The following ABR variants were observed in gnomAD, a reference collection of about 807,000 sequenced individuals.
The protein encoded by ABR is ABR activator of RhoGEF and GTPase, also known as active breakpoint cluster region-related protein.
Under a neutral mutation model 107.2 loss-of-function variants are expected in ABR, and 35 were observed. That is an observed-to-expected ratio of 0.33 (90% CI 0.25 to 0.43). The LOEUF (loss-of-function observed/expected upper bound fraction) is 0.43. ABR is among the 20% of genes least tolerant of loss of function. The pLI is 1.00. For missense variants in ABR, 815 were observed against 1,115.2 expected, an observed-to-expected ratio of 0.73 and a Z score of 3.83; for synonymous variants, 498 against 462.0, an observed-to-expected ratio of 1.08 and a Z score of -1.00.
At chr17:1,130,182 C>G (rs1352046478) in intron 1 of ABR, among the ~76,000 whole-genome samples, 1 of 152,112 alleles carries the variant, frequency 6.6e-6, no homozygotes, top group Middle Eastern at 3.2e-3. Flanking sequence ...TTCCATCAAC[C>G]TCGCATCACC....
chr17:1,165,273 C>T (rs563792683), intron 1 of ABR, among the ~76,000 whole-genome samples: 13 of 152,322 alleles, frequency 8.5e-5, no homozygotes, highest in East Asian at 3.9e-4. Flanking sequence ...GCCTGTGACC[C>T]GGAGGAGCCA....
chr17:1,035,237 A>T (rs1474675018), intron 16 of ABR, among the ~76,000 whole-genome samples: 3 of 151,208 alleles, frequency 2.0e-5, no homozygotes, highest in Admixed American at 6.6e-5. Context: ...GCAGCCCACC[A>T]CGGACCCCTC....
intron 1 of ABR, among the ~76,000 whole-genome samples, chr17:1,209,566 C>G (rs1414039403): frequency 6.6e-6 from 1 of 152,126 alleles, no homozygotes; most frequent in Non-Finnish European, 1.5e-5. Context: ...CCAAAGTTTG[C>G]TTGAATGGTG....
intron 2 of ABR, among the ~76,000 whole-genome samples, chr17:1,123,480 C>G (rs1021822888): frequency 6.6e-6 from 1 of 152,170 alleles, no homozygotes; most frequent in African/African-American, 2.4e-5. Context: ...ATCTGTCTCC[C>G]GAGAGAAGGC....
intron 16 of ABR, among the ~76,000 whole-genome samples, chr17:1,018,131 C>T (rs2071315415): frequency 1.3e-5 from 2 of 152,084 alleles, no homozygotes; most frequent in Admixed American, 1.3e-4. Flanking sequence ...CAAGCTCCGC[C>T]TCCCGGGTTC....
chr17:1,199,026 C>T (rs1453440424), intron 1 of ABR, among the ~76,000 whole-genome samples: 2 of 144,900 alleles, frequency 1.4e-5, no homozygotes, highest in Admixed American at 1.4e-4. Context: ...TGCACTCCAG[C>T]CTGGGCAACA....
intron 1 of ABR, among the ~76,000 whole-genome samples, chr17:1,127,107 G>A (rs998096941): frequency 3.3e-5 from 5 of 152,162 alleles, no homozygotes; most frequent in African/African-American, 9.7e-5. Context: ...CCCTAGGCTC[G>A]CTGCACCTGC....
rs373656301 is a variant in ABR at position 1,057,261 on chromosome 17, T to C, written c.1382-159A>G. The stretch of plus-strand genomic sequence containing the variant: ...ATTTGTGGACACAGCAGGACTGGTG[T>C]AGATGCTGCGAGAGGGGTCAGAGTA... On this transcript the variant is annotated intron_variant, in intron 12 of 22. Transcript: ENST00000302538. Among the ~76,000 whole-genome samples the C allele has an allele frequency of 6.0e-5, 9 of 149,294 alleles. No homozygotes were observed. In the East Asian group the frequency reaches 1.2e-3, roughly 20 times the overall value.
At chr17:1,215,655 C>T (rs1328587590) in intron 1 of ABR, among the ~76,000 whole-genome samples, 15 of 152,078 alleles carry the variant, frequency 9.9e-5, no homozygotes, top group Non-Finnish European at 1.3e-4. Context: ...TCTGCCCGGC[C>T]GCCACCCCGT....
chr17:1,158,375 C>T (rs1047635153), intron 1 of ABR, among the ~76,000 whole-genome samples: 2 of 151,718 alleles, frequency 1.3e-5, no homozygotes, highest in Non-Finnish European at 2.9e-5. Flanking sequence ...GGATTACAGG[C>T]GTGAACCACC....
At position 1,027,055 on chromosome 17, in the gene ABR, G is replaced by A. The variant is rs1283559298; in HGVS notation, c.1792-13891C>T. ...GGGGGCTCCTTCCAAAATGCCTGGG[G>A]CAGCTCCCCCAGCCACACCTGCAGG... On this transcript the variant is annotated intron_variant, in intron 16 of 22. Transcript: ENST00000302538. This position sits in a 1 kb window ranked among gnomAD's most constrained non-coding sequence, Gnocchi z 4.7. Among the ~76,000 whole-genome samples the A allele has an allele frequency of 6.6e-6, 1 of 151,224 alleles. No homozygotes were observed. The highest frequency in any genetic ancestry group is 2.0e-4 in the East Asian group (1 of 5,116).
chr17:1,006,528 C>A (rs1337187478), intron 22 of ABR, among the ~76,000 whole-genome samples: 5 of 152,194 alleles, frequency 3.3e-5, no homozygotes, highest in Non-Finnish European at 5.9e-5. Flanking sequence ...CCTGGGCTTG[C>A]TTTCTGAGAC....
chr17:1,220,982 C>T (rs985477798), intron 1 of ABR, among the ~76,000 whole-genome samples: 1 of 152,168 alleles, frequency 6.6e-6, no homozygotes. Context: ...CTGCCTTGCA[C>T]AGGGCCGTGG....
chr17:1,031,540 C>T, intron 16 of ABR: 1 of 497,742 alleles, frequency 2.0e-6, no homozygotes, highest in Non-Finnish European at 3.0e-6. Flanking sequence ...CGCAGCCCCC[C>T]GAGCCCCGCA....
chr17:1,022,414 C>T (rs1225320635), intron 16 of ABR: 1 of 152,886 alleles, frequency 6.5e-6, no homozygotes, highest in Admixed American at 6.5e-5. Flanking sequence ...GGGCAGACCA[C>T]AGGCGTGAGA....
chr17:1,212,430 CAAAAG>C (rs558766927), intron 1 of ABR, among the ~76,000 whole-genome samples: 116 of 149,856 alleles, frequency 7.7e-4, no homozygotes, highest in African/African-American at 2.8e-3. Flanking sequence ...GACACTGTCT[CAAAAG>C]AGAAAAAAAA....
chr17:1,038,483 G>A (rs887709768), intron 16 of ABR, among the ~76,000 whole-genome samples: 4 of 152,240 alleles, frequency 2.6e-5, no homozygotes, highest in Non-Finnish European at 5.9e-5. Context: ...TCAGGCGGGT[G>A]TGTCTGGGTC....
intron 16 of ABR, among the ~76,000 whole-genome samples, chr17:1,016,855 G>T (rs1470284504): frequency 6.6e-6 from 1 of 152,132 alleles, no homozygotes; most frequent in African/African-American, 2.4e-5. Flanking sequence ...GCACTCTGAG[G>T]TGTGCGTGCC....
intron 1 of ABR, among the ~76,000 whole-genome samples, chr17:1,175,534 C>T (rs1022464361): frequency 3.3e-5 from 5 of 152,312 alleles, no homozygotes; most frequent in Admixed American, 2.0e-4. Context: ...GACACAAGAA[C>T]TGGGGGATGT....
Sources: gnomAD v4.1 joint callset for allele counts (sites outside exome capture counted in the v4.1 genomes callset) on GRCh38, gnomAD v4.1.1 for gene constraint, Gnocchi (gnomAD v3.1) non-coding constraint, MANE v1.5 for transcripts, NCBI Gene and HGNC (gene_info 2026-07-23, HGNC 2026-07-21) for gene names.